KSR1: variants seen among roughly 807,000 people sequenced by gnomAD.
KSR1 encodes kinase suppressor of ras 1.
A neutral mutation model predicts 92.9 loss-of-function variants in KSR1; 35 were observed. That is an observed-to-expected ratio of 0.38 (90% confidence interval 0.29 to 0.50). The LOEUF (loss-of-function observed/expected upper bound fraction) is 0.50. Among genes scored for constraint, KSR1 ranks in the 20% least tolerant of loss-of-function variants. The pLI is 0.94. For synonymous variants in KSR1, 467 were observed against 472.6 expected, an observed-to-expected ratio of 0.99 and a Z score of 0.15; for missense variants, 972 against 1,158.5, an observed-to-expected ratio of 0.84 and a Z score of 2.34.
At chr17:27,621,974 C>T (rs2074236863) in intron 20 of KSR1, 3 of 1,607,024 alleles carry the variant, frequency 1.9e-6, no homozygotes, top group African/African-American at 1.3e-5. Context: ...TTTCTTCCTC[C>T]TAATCAACAA....
intron 1 of KSR1, among the ~76,000 whole-genome samples, chr17:27,479,892 CG>C (rs1300572891): frequency 1.3e-5 from 2 of 151,842 alleles, no homozygotes; most frequent in East Asian, 1.9e-4. Context: ...ACCTGTGCTG[CG>C]GGGGCACCTG....
intron 1 of KSR1, among the ~76,000 whole-genome samples, chr17:27,541,100 C>T (rs1567807464): frequency 1.3e-5 from 2 of 152,158 alleles, no homozygotes; most frequent in Non-Finnish European, 2.9e-5. Context: ...TCCTGAAGTT[C>T]GGGATGGTAT....
chr17:27,609,571 C>T (rs528280371), intron 16 of KSR1, among the ~76,000 whole-genome samples: 3 of 152,316 alleles, frequency 2.0e-5, no homozygotes, highest in East Asian at 1.9e-4. Flanking sequence ...GCTGTTCACC[C>T]GCTTGGCCAA....
At chr17:27,590,705 T>A in intron 6 of KSR1, 106 bp from the exon 7 acceptor site, 1 of 1,014,932 alleles carries the variant, frequency 9.9e-7, no homozygotes, top group Non-Finnish European at 1.5e-6. Context: ...GGCTCTGGGA[T>A]GGAGCCAAGA....
In KSR1 at chr17:27,548,242, AAAAGAT is replaced by A. The variant is rs1597999959; in HGVS notation, c.232-2316_232-2311del. Reference sequence around the variant, plus strand: ...GAGACCCCATCTCAAAAAAAAAAAAAAAAGATAAAGATAAAAAAAGAAATAAATGAA... The same window carrying A: ...GAGACCCCATCTCAAAAAAAAAAAAAAAAGATAAAAAAAGAAATAAATGAA... On this transcript the variant is annotated intron_variant, in intron 1 of 20. Coordinates refer to ENST00000644974, the MANE Select transcript of KSR1 (RefSeq NM_001394583.1). 2.0e-5 allele frequency among the ~76,000 whole-genome samples: 3 copies of A among 151,756 alleles called. No homozygotes were observed. The South Asian group carries it at 6.2e-4, about 31-fold the overall frequency.
At chr17:27,555,061 C>G (rs539323921) in intron 2 of KSR1, among the ~76,000 whole-genome samples, 48 of 152,338 alleles carry the variant, frequency 3.2e-4, no homozygotes, top group African/African-American at 1.1e-3. Context: ...ACTGTCCTCT[C>G]TCTTTTCTGG....
At chr17:27,483,323 C>T (rs2068564818) in intron 1 of KSR1, among the ~76,000 whole-genome samples, 1 of 152,294 alleles carries the variant, frequency 6.6e-6, no homozygotes, top group Non-Finnish European at 1.5e-5. Context: ...CACAGTGGCT[C>T]ACGCCTGTAA....
chr17:27,551,356 C>A (rs570460934), intron 2 of KSR1, among the ~76,000 whole-genome samples: 1 of 152,116 alleles, frequency 6.6e-6, no homozygotes, highest in Admixed American at 6.5e-5. Context: ...TCATGGAGTG[C>A]GGATTAGTCC....
At chr17:27,589,129 C>T (rs140141605) in intron 6 of KSR1, among the ~76,000 whole-genome samples, 1 of 152,308 alleles carries the variant, frequency 6.6e-6, no homozygotes, top group Non-Finnish European at 1.5e-5. Context: ...CCGGAAGCTC[C>T]CATCTTTGTT....
intron 1 of KSR1, among the ~76,000 whole-genome samples, chr17:27,495,965 C>T (rs116615471): frequency 0.023 from 3,507 of 152,270 alleles, 133 homozygotes; most frequent in African/African-American, 0.079. Context: ...TGCGCATAAG[C>T]CTCCTTTAGG....
At chr17:27,563,884 G>A (rs998056744) in intron 2 of KSR1, among the ~76,000 whole-genome samples, 5 of 151,354 alleles carry the variant, frequency 3.3e-5, no homozygotes, top group South Asian at 2.1e-4. Flanking sequence ...TATACCTGCC[G>A]CTTTATCTCA....
At chr17:27,519,330 A>C (rs2069926523) in intron 1 of KSR1, among the ~76,000 whole-genome samples, 1 of 152,176 alleles carries the variant, frequency 6.6e-6, no homozygotes, top group African/African-American at 2.4e-5. Flanking sequence ...GTGGGGCCAC[A>C]TGGAGGTTGA....
At chr17:27,569,153 A>C (rs2072205599) in intron 2 of KSR1, among the ~76,000 whole-genome samples, 1 of 152,230 alleles carries the variant, frequency 6.6e-6, no homozygotes, top group African/African-American at 2.4e-5. Flanking sequence ...AAAATTTTAC[A>C]ATCACGCATT....
At chr17:27,508,185 T>C (rs998162579) in intron 1 of KSR1, among the ~76,000 whole-genome samples, 5 of 152,082 alleles carry the variant, frequency 3.3e-5, no homozygotes, top group African/African-American at 1.2e-4. Context: ...GGAGCTTCTG[T>C]TGGGGTGGAG....
intron 14 of KSR1, 49 bp downstream of exon 14, chr17:27,605,862 CT>C: frequency 6.2e-7 from 1 of 1,602,462 alleles, no homozygotes; most frequent in East Asian, 2.2e-5. Context: ...CAGCCTCCCC[CT>C]TCCCAGGGAG....
chr17:27,507,177 A>G (rs1194925820), intron 1 of KSR1, among the ~76,000 whole-genome samples: 3 of 152,142 alleles, frequency 2.0e-5, no homozygotes, highest in East Asian at 3.9e-4. Context: ...GCTCATGCCT[A>G]TAATTCCAGC....
chr17:27,526,378 C>A (rs2070299329), intron 1 of KSR1: 1 of 1,464,320 alleles, frequency 6.8e-7, no homozygotes, highest in Non-Finnish European at 9.2e-7. Flanking sequence ...AGAGCCACCC[C>A]CAAAGTCTTA....
chr17:27,460,894 G>A (rs187135147), intron 1 of KSR1, among the ~76,000 whole-genome samples: 2 of 152,290 alleles, frequency 1.3e-5, no homozygotes, highest in African/African-American at 4.8e-5. Context: ...CCTAGCAAGG[G>A]CTCTGAAGTA....
chr17:27,511,311 A>G (rs2069591389), intron 1 of KSR1, among the ~76,000 whole-genome samples: 1 of 152,182 alleles, frequency 6.6e-6, no homozygotes, highest in Non-Finnish European at 1.5e-5. Flanking sequence ...CCTTTCTTCC[A>G]GTCTGAGTGC....
Sources: allele counts gnomAD v4.1 joint callset (sites outside exome capture counted in the v4.1 genomes callset), GRCh38; gene constraint gnomAD v4.1.1; transcripts MANE v1.5; gene names NCBI Gene and HGNC (gene_info 2026-07-23, HGNC 2026-07-21).